ZNF732: variants seen among roughly 807,000 people sequenced by gnomAD.
ZNF732 encodes the protein zinc finger protein LOC654254.
A neutral mutation model predicts 11.5 loss-of-function variants in ZNF732; 12 were observed. The observed-to-expected ratio is 1.05, with a 90% CI of 0.67 to 1.70. The LOEUF is 1.70. Among genes scored for constraint, ZNF732 ranks in the 40% most tolerant of loss-of-function variants. The probability of loss-of-function intolerance (pLI) is 0.00; values close to 1 mark genes in which losing one functional copy is unlikely to be tolerated. For missense variants in ZNF732, 702 were observed against 676.9 expected, an observed-to-expected ratio of 1.04 and a Z score of -0.41; for synonymous variants, 231 against 236.5, an observed-to-expected ratio of 0.98 and a Z score of 0.21.
At chr4:290,489 C>A (rs1045816687) in intron 3 of ZNF732, among the ~76,000 whole-genome samples, 1 of 152,240 alleles carries the variant, frequency 6.6e-6, no homozygotes, top group African/African-American at 2.4e-5. Flanking sequence ...CCCTGCAGAT[C>A]CTGGCCTCAG....
chr4:271,043 T>A lies in ZNF732; in HGVS notation c.*56A>T, dbSNP rs115469042. On this transcript the variant is annotated 3_prime_UTR_variant, in exon 4 of 4. Coordinates refer to ENST00000419098, the MANE Select transcript of ZNF732 (RefSeq NM_001137608.3). ...TAGTTTATTTCCAGTATAAATTTTC[T>A]TATGTTCATTCAGGTTTGTGGATCA... The A allele has an allele frequency of 6.9e-4, 924 of 1,335,082 alleles. 7 individuals are homozygous for A. The African/African-American group carries it at 0.013, about 19-fold the overall frequency. 82.7% of individuals were successfully genotyped at this position (1,335,082 alleles called of 1,614,324 possible).
At chr4:286,187 G>A (rs1719725104) in intron 3 of ZNF732, among the ~76,000 whole-genome samples, 1 of 152,178 alleles carries the variant, frequency 6.6e-6, no homozygotes, top group Non-Finnish European at 1.5e-5. Flanking sequence ...AAAGAGACCA[G>A]AAGTGCTCAA....
rs955445049 is a variant in ZNF732, at chr4:271,012, T to C, written c.*87A>G. 3 of 1,129,592 alleles carry C rather than the reference T, an allele frequency of 2.7e-6. No individual in the cohort carries two copies. 70.0% of individuals were successfully genotyped at this position (1,129,592 alleles called of 1,614,324 possible). On this transcript the variant is annotated 3_prime_UTR_variant, in exon 4 of 4. Coordinates refer to ENST00000419098, the MANE Select transcript of ZNF732 (RefSeq NM_001137608.3). ...CAAAAGCTTTGCCACATTCTTCACATTTGTATAGTTTATTTCCAGTATAAA... is the reference window on the plus strand; with the variant it reads ...CAAAAGCTTTGCCACATTCTTCACACTTGTATAGTTTATTTCCAGTATAAA...
Position 272,208 on chromosome 4 carries a change from G to C in ZNF732, c.649C>G (p.His217Asp). The change falls in exon 4 of 4, where the codon CAT (histidine) becomes GAT (aspartate). Residue 217 changes from histidine to aspartate, a missense_variant. His to Asp is a moderately conservative substitution (Grantham distance 81, BLOSUM62 -1). Transcript: ENST00000419098. Reference sequence around the variant, plus strand: ...CATGTGAAGGGTTTCTCTCCAGTATGAATTATCTCATATTCATTAAAGATT... The same window carrying C: ...CATGTGAAGGGTTTCTCTCCAGTATCAATTATCTCATATTCATTAAAGATT... ...YLIFNEYEII[H>D]TGEKPFTCEE... is the part of the protein sequence containing the mutation. The C allele has an allele frequency of 6.2e-7, 1 of 1,612,816 alleles. No homozygotes were observed. Among genetic ancestry groups the C allele is most frequent in the Non-Finnish European group, 8.5e-7 (1 of 1,179,374 alleles).
chr4:272,485 T>A lies in ZNF732; in HGVS notation c.372A>T (p.Gly124=), dbSNP rs1553837969. 6.2e-7 allele frequency: 1 copy of A among 1,603,248 alleles called. No individual in the cohort carries two copies. The highest frequency in any genetic ancestry group is 8.5e-7 in the Non-Finnish European group (1 of 1,174,048). ...AGCATTGATTAAATTCATTATAACC[T>A]CCTTTCTGCACCTTCCTTTTACAGC... ...RKSCKRKVQK[G]GYNEFNQCLS... The change falls in exon 4 of 4, where the codon GGA becomes GGT. Residue 124 remains glycine (G), a synonymous_variant. Transcript: ENST00000419098.
intron 3 of ZNF732, among the ~76,000 whole-genome samples, chr4:288,407 G>C (rs1304651336): frequency 6.6e-6 from 1 of 152,170 alleles, no homozygotes; most frequent in African/African-American, 2.4e-5. Context: ...ACTCACTCAA[G>C]ATAGTTTTTG....
In ZNF732 at chr4:287,276, G is replaced by A. The variant is rs576752976; in HGVS notation, c.226+8162C>T. On this transcript the variant is annotated intron_variant, in intron 3 of 3. Transcript: ENST00000419098. ...GTTGCCCAGACTGTAGTGCAATGGC[G>A]TGATCTCGGCTCACTGCAGCCTCCG... 4.0e-5 allele frequency among the ~76,000 whole-genome samples: 6 copies of A among 151,332 alleles called. No homozygotes were observed. The South Asian group carries it at 8.4e-4, about 21-fold the overall frequency.
chr4:282,855 C>T (rs1023165014), intron 3 of ZNF732, among the ~76,000 whole-genome samples: 1 of 150,814 alleles, frequency 6.6e-6, no homozygotes, highest in Non-Finnish European at 1.5e-5. Flanking sequence ...ACAAACTCAA[C>T]ACCATACAAG....
At chr4:299,289 AC>A (rs1553843039) in intron 1 of ZNF732, among the ~76,000 whole-genome samples, 1 of 150,962 alleles carries the variant, frequency 6.6e-6, no homozygotes, top group African/African-American at 2.4e-5. Flanking sequence ...TGAAGATGCA[AC>A]ACTGGAATAT....
intron 3 of ZNF732, among the ~76,000 whole-genome samples, chr4:287,310 G>A (rs1553840722): frequency 6.6e-6 from 1 of 151,294 alleles, no homozygotes; most frequent in Non-Finnish European, 1.5e-5. Flanking sequence ...CGCCCCTCGG[G>A]TTGAGGTGAT....
Position 271,155 on chromosome 4 carries a change from T to G in ZNF732, c.1702A>C (p.Lys568Gln). 6.5e-7 allele frequency: 1 copy of G among 1,549,556 alleles called. No homozygotes were observed. The highest frequency in any genetic ancestry group is 8.7e-7 in the Non-Finnish European group (1 of 1,146,486). The stretch of plus-strand genomic sequence containing the variant: ...TGTTGATTAAGGTATGAGGACCACT[T>G]AAAGGCTTTGCCACATCCTTTACAT... ...PKCKGCGKAF[K>Q]WSSYLNQHNK... is the part of the protein sequence containing the mutation. The change falls in exon 4 of 4, where the codon AAG becomes CAG. Residue 568 changes from lysine (K) to glutamine (Q), a missense_variant. By Grantham distance (53) the Lys-to-Gln change is moderately conservative. Coordinates refer to ENST00000419098, the MANE Select transcript of ZNF732 (RefSeq NM_001137608.3).
At chr4:301,309 GC>G (rs1720114154) in intron 1 of ZNF732, among the ~76,000 whole-genome samples, 1 of 152,200 alleles carries the variant, frequency 6.6e-6, no homozygotes. Flanking sequence ...AGACAGTGTG[GC>G]GATTCCTCAG....
At chr4:293,939 C>T (rs1719896322) in intron 3 of ZNF732, among the ~76,000 whole-genome samples, 1 of 152,074 alleles carries the variant, frequency 6.6e-6, no homozygotes, top group Non-Finnish European at 1.5e-5. Context: ...ATAAATGAAG[C>T]AATGTTACTA....
intron 1 of ZNF732, among the ~76,000 whole-genome samples, chr4:302,151 A>T (rs1047574614): frequency 1.3e-5 from 2 of 152,198 alleles, no homozygotes; most frequent in African/African-American, 4.8e-5. Context: ...CCTTGCCACC[A>T]AATTATGGGT....
chr4:287,686 C>G (rs1204311776), intron 3 of ZNF732, among the ~76,000 whole-genome samples: 1 of 151,858 alleles, frequency 6.6e-6, no homozygotes, highest in Admixed American at 6.6e-5. Context: ...TCTGTCACCC[C>G]AGGCTGGAGT....
Position 272,381 on chromosome 4 carries a change from C to T in ZNF732, c.476G>A (p.Arg159His), listed in dbSNP as rs200473584. 519 of 1,600,670 alleles carry T rather than the reference C, an allele frequency of 3.2e-4. No homozygotes were observed. The highest frequency in any genetic ancestry group is 4.1e-4 in the Non-Finnish European group (485 of 1,172,632). The change falls in exon 4 of 4, where the codon CGT becomes CAT. Residue 159 changes from arginine to histidine, a missense_variant. Arg to His is a conservative substitution (Grantham distance 29, BLOSUM62 0). Coordinates refer to ENST00000419098, the MANE Select transcript of ZNF732 (RefSeq NM_001137608.3). ...VFSTFSNSNQ[R>H]RIRHTGEKHF... The stretch of plus-strand genomic sequence containing the variant: ...TTTCTCTCCAGTATGTCTTATCCTA[C>T]GTTGGTTTGAATTTGAAAATGTACT...
chr4:273,975 A>G (rs1553838308), intron 3 of ZNF732, among the ~76,000 whole-genome samples: 1 of 151,830 alleles, frequency 6.6e-6, no homozygotes, highest in Non-Finnish European at 1.5e-5. Context: ...GAAAAAGTAT[A>G]TTAGCACAAC....
In ZNF732 at chr4:282,957, T is replaced by G. The variant is rs933344440; in HGVS notation, c.227-10327A>C. 5.9e-5 allele frequency among the ~76,000 whole-genome samples: 9 copies of G among 152,154 alleles called. 1 individual carries two copies. Among genetic ancestry groups the G allele is most frequent in the Admixed American group, 2.6e-4 (4 of 15,260 alleles). On this transcript the variant is annotated intron_variant, in intron 3 of 3. Transcript: ENST00000419098. ...TAATAAGTTCTTATCAATCAGTAAT[T>G]CCTTTAAATATAAAAAAAATTTAGT...
intron 3 of ZNF732, among the ~76,000 whole-genome samples, chr4:275,143 C>G (rs923103691): frequency 6.6e-6 from 1 of 151,516 alleles, no homozygotes; most frequent in African/African-American, 2.4e-5. Flanking sequence ...TGATAGACTA[C>G]ATGTCAGGGC....
Sources: gnomAD v4.1 joint callset for allele counts (sites outside exome capture counted in the v4.1 genomes callset) on GRCh38, gnomAD v4.1.1 for gene constraint, MANE v1.5 for transcripts, NCBI Gene and HGNC (gene_info 2026-07-23, HGNC 2026-07-21) for gene names.